The following PROCR variants were observed in gnomAD, a reference collection of about 807,000 sequenced individuals.
The protein encoded by PROCR is endothelial protein C receptor.
Under a neutral mutation model 24.2 loss-of-function variants are expected in PROCR, and 22 were observed. That is an observed-to-expected ratio of 0.91 (90% CI 0.65 to 1.30). The LOEUF (loss-of-function observed/expected upper bound fraction) is 1.30. Ranked by LOEUF, PROCR falls within the 50% of genes most tolerant of loss-of-function variation. PROCR has a pLI of 0.00. For synonymous variants in PROCR, 137 were observed against 139.2 expected (o/e 0.98, Z 0.11); for missense variants, 288 against 307.7 (o/e 0.94, Z 0.48).
At chr20:35,178,136 G>A (rs373507872), downstream of PROCR, among the ~76,000 whole-genome samples, 43 of 152,110 alleles carry the variant, frequency 2.8e-4, no homozygotes, top group East Asian at 6.0e-3. Flanking sequence ...AGGCGCGGTG[G>A]CTCACGCCTG....
chr20:35,197,388 G>A (rs2060301897), intron 1 of PROCR, among the ~76,000 whole-genome samples: 1 of 152,172 alleles, frequency 6.6e-6, no homozygotes. Context: ...GTTGATAAAT[G>A]TAGTATGTGT....
At chr20:35,183,175 A>C (rs1053276498) in intron 1 of PROCR, among the ~76,000 whole-genome samples, 1 of 152,188 alleles carries the variant, frequency 6.6e-6, no homozygotes, top group African/African-American at 2.4e-5. Flanking sequence ...AGAATAAGAA[A>C]GTTAATAACT....
chr20:35,180,012 G>A (rs1404067838), downstream of PROCR, among the ~76,000 whole-genome samples: 1 of 152,088 alleles, frequency 6.6e-6, no homozygotes, highest in Non-Finnish European at 1.5e-5. Flanking sequence ...TTGGGAGGCC[G>A]AGGTGGGGGG....
At chr20:35,200,626 T>C (rs2060314931) in intron 1 of PROCR, among the ~76,000 whole-genome samples, 1 of 152,196 alleles carries the variant, frequency 6.6e-6, no homozygotes, top group Admixed American at 6.5e-5. Context: ...GACTATAATA[T>C]AGTATAAACA....
At chr20:35,189,275 C>G (rs1423674080) in intron 1 of PROCR, among the ~76,000 whole-genome samples, 1 of 144,828 alleles carries the variant, frequency 6.9e-6, no homozygotes, top group Non-Finnish European at 1.5e-5. Context: ...CGGGGGGGGG[C>G]CTCTAAAATG....
intron 1 of PROCR, among the ~76,000 whole-genome samples, chr20:35,215,187 G>A (rs541124347): frequency 6.6e-6 from 1 of 152,212 alleles, no homozygotes; most frequent in South Asian, 2.1e-4. Context: ...CTGGGATTAC[G>A]GGCGTGAGCC....
chr20:35,193,984 C>T (rs1448690339), intron 1 of PROCR, among the ~76,000 whole-genome samples: 4 of 152,096 alleles, frequency 2.6e-5, no homozygotes, highest in African/African-American at 9.7e-5. Flanking sequence ...ACTGAGTAGC[C>T]AGTGAGGTGT....
downstream of PROCR, among the ~76,000 whole-genome samples, chr20:35,179,792 CT>C (rs2086060821): frequency 6.6e-6 from 1 of 152,106 alleles, no homozygotes; most frequent in African/African-American, 2.4e-5. Context: ...CAGTGTTAAC[CT>C]TTATTTACTC....
Position 35,176,922 on chromosome 20 carries a change from G to A in PROCR, c.*109G>A. 1.3e-6 allele frequency: 2 copies of A among 1,538,610 alleles called. No individual in the cohort carries two copies. The highest frequency in any genetic ancestry group is 8.8e-7 in the Non-Finnish European group (1 of 1,140,254). ...CAACTGAAACACCAGAAGGTTTGGA[G>A]TGACAGCTCCTTTCTTCTCCCACAT... On this transcript the variant is annotated 3_prime_UTR_variant, in exon 4 of 4. Transcript: ENST00000216968.
downstream of PROCR, among the ~76,000 whole-genome samples, chr20:35,177,582 G>A (rs1003304645): frequency 2.0e-5 from 3 of 151,242 alleles, no homozygotes; most frequent in African/African-American, 7.3e-5. Flanking sequence ...CAAGCAGCTG[G>A]GATTACAGAT....
intron 1 of PROCR, among the ~76,000 whole-genome samples, chr20:35,214,036 C>T (rs1291605942): frequency 6.6e-6 from 1 of 151,962 alleles, no homozygotes; most frequent in African/African-American, 2.4e-5. Flanking sequence ...GACTGTGCCA[C>T]TGCACTCCAG....
intron 1 of PROCR, among the ~76,000 whole-genome samples, chr20:35,213,354 T>A (rs1471222356): frequency 3.3e-5 from 5 of 152,250 alleles, no homozygotes; most frequent in Middle Eastern, 3.4e-3. Context: ...AGTCCATTTA[T>A]ATTTCTGTTT....
intron 1 of PROCR, among the ~76,000 whole-genome samples, chr20:35,196,469 G>A (rs1051074197): frequency 7.9e-5 from 12 of 151,942 alleles, no homozygotes; most frequent in Non-Finnish European, 1.5e-4. Context: ...AATTTTAAGA[G>A]TAGCCACCAA....
chr20:35,214,688 C>CA (rs112791426), intron 1 of PROCR, among the ~76,000 whole-genome samples: 6,039 of 80,022 alleles, frequency 0.075, 204 homozygotes, highest in Admixed American at 0.16. Flanking sequence ...AACTCCATCT[C>CA]AAAAAAAAAA....
intron 1 of PROCR, among the ~76,000 whole-genome samples, chr20:35,182,380 G>A (rs2086085367): frequency 6.6e-6 from 1 of 152,020 alleles, no homozygotes; most frequent in Non-Finnish European, 1.5e-5. Context: ...GCTCACTGCA[G>A]CTTCAACCTC....
chr20:35,213,349 A>G (rs561457217), intron 1 of PROCR, among the ~76,000 whole-genome samples: 1 of 152,078 alleles, frequency 6.6e-6, no homozygotes, highest in African/African-American at 2.4e-5. Flanking sequence ...AAAAGAGTCC[A>G]TTTATATTTC....
chr20:35,187,359 G>C (rs959004969), intron 1 of PROCR, among the ~76,000 whole-genome samples: 10 of 152,172 alleles, frequency 6.6e-5, no homozygotes, highest in African/African-American at 2.4e-4. Flanking sequence ...ACCACACCTG[G>C]CCTGAACACG....
intron 1 of PROCR, among the ~76,000 whole-genome samples, chr20:35,214,582 G>C (rs113604152): frequency 2.6e-5 from 4 of 151,460 alleles, no homozygotes; most frequent in Non-Finnish European, 4.4e-5. Context: ...CCAGCTACTC[G>C]GGAGGCTGAG....
chr20:35,191,679 G>A (rs538581204), intron 1 of PROCR, among the ~76,000 whole-genome samples: 37 of 152,312 alleles, frequency 2.4e-4, no homozygotes, highest in African/African-American at 8.7e-4. Flanking sequence ...AAGCTCTGAG[G>A]AGTAAGCTTG....
Sources: allele counts gnomAD v4.1 joint callset (sites outside exome capture counted in the v4.1 genomes callset), GRCh38; gene constraint gnomAD v4.1.1; transcripts MANE v1.5; gene names NCBI Gene and HGNC (gene_info 2026-07-23, HGNC 2026-07-21).